MOCOS: variants seen among roughly 807,000 people sequenced by gnomAD.
MOCOS encodes molybdenum cofactor sulfurase, also known as human molybdenum cofactor sulfurase.
Under a neutral mutation model 83.6 loss-of-function variants are expected in MOCOS, and 86 were observed. The ratio of observed to expected loss-of-function variants is 1.03; its 90% CI spans 0.86 to 1.23. The LOEUF (loss-of-function observed/expected upper bound fraction) is 1.23. Ranked by LOEUF, MOCOS falls within the 50% of genes most tolerant of loss-of-function variation. The pLI, the probability that MOCOS is intolerant of heterozygous loss-of-function variation, is 0.00. For missense variants in MOCOS, 1,120 were observed against 1,126.9 expected (o/e 0.99, Z 0.09); for synonymous variants, 445 against 434.7 (o/e 1.02, Z -0.29).
intron 9 of MOCOS, among the ~76,000 whole-genome samples, chr18:36,244,812 T>A (rs113145785): frequency 0.019 from 2,898 of 152,236 alleles, 96 homozygotes; most frequent in African/African-American, 0.065. Context: ...ATTCCGGTGT[T>A]AGGTGTATAT....
chr18:36,218,666 C>A (rs1179534163), intron 8 of MOCOS, among the ~76,000 whole-genome samples: 2 of 151,914 alleles, frequency 1.3e-5, no homozygotes, highest in Non-Finnish European at 2.9e-5. Flanking sequence ...AGGCATACAC[C>A]ACCATGCCTG....
Position 36,220,171 on chromosome 18 carries a change from G to C in MOCOS, c.1914G>C (p.Gln638His). Reference protein sequence around the residue: ...QKQEPRLCLIQPFIDLRQRIM... With the variant: ...QKQEPRLCLIHPFIDLRQRIM... The stretch of plus-strand genomic sequence containing the variant: ...AGGAACCCCGGCTCTGCCTGATCCA[G>C]CCCTTCATCGACTTGCGGCAAAGGA... The change falls in exon 9 of 15, where the codon CAG (glutamine) becomes CAC (histidine). Residue 638 changes from glutamine to histidine, a missense_variant. Coordinates refer to ENST00000261326, the MANE Select transcript of MOCOS (RefSeq NM_017947.4). 6.2e-7 allele frequency: 1 copy of C among 1,614,136 alleles called. No homozygotes were observed. Among genetic ancestry groups the C allele is most frequent in the Non-Finnish European group, 8.5e-7 (1 of 1,180,024 alleles).
At position 36,215,696 on chromosome 18, in the gene MOCOS, G is replaced by A. The variant is rs149198061; in HGVS notation, c.1516G>A (p.Gly506Arg). ...WPVPQAHADTGETGAPSADSQ... is the reference protein window; with the variant it reads ...WPVPQAHADTRETGAPSADSQ... Reference sequence around the variant, plus strand: ...TGTCCCTCAGGCCCATGCTGACACCGGGGAGACTGGAGCCCCATCAGCAGA... The same window carrying A: ...TGTCCCTCAGGCCCATGCTGACACCAGGGAGACTGGAGCCCCATCAGCAGA... Residue 506 changes from glycine (G) to arginine (R), a missense_variant, in exon 8 of 15, where the codon GGG becomes AGG. Coordinates refer to ENST00000261326, the MANE Select transcript of MOCOS (RefSeq NM_017947.4). The A allele has an allele frequency of 7.9e-5, 127 of 1,614,092 alleles. 1 individual carries two copies. The highest frequency in any genetic ancestry group is 2.5e-4 in the Admixed American group (15 of 60,028).
rs777261982 is a variant in MOCOS at position 36,187,792 on chromosome 18, A to G, written c.142+111A>G. ...CCTCATTCGGGCGCATTTTGAATCG[A>G]AACTCCAGGAGGGACGTGTCCACGC... On this transcript the variant is annotated intron_variant, in intron 1 of 14. Coordinates refer to ENST00000261326, the MANE Select transcript of MOCOS (RefSeq NM_017947.4). The G allele has an allele frequency of 8.0e-5, 93 of 1,169,288 alleles. No homozygotes were observed. In the Middle Eastern group the frequency reaches 2.6e-3, roughly 33 times the overall value. The allele number at this position is 1,169,288 out of a possible 1,614,324, so 72.4% of individuals were successfully genotyped here.
At chr18:36,268,436 T>A in intron 14 of MOCOS, 97 bp from the exon 15 acceptor site, 1 of 1,499,568 alleles carries the variant, frequency 6.7e-7, no homozygotes, top group South Asian at 1.1e-5. Context: ...TCTTTAAAAA[T>A]CTGACTTGAT....
chr18:36,191,899 G>T (rs773391182), intron 1 of MOCOS, among the ~76,000 whole-genome samples: 1 of 152,164 alleles, frequency 6.6e-6, no homozygotes, highest in Non-Finnish European at 1.5e-5. Context: ...CACATAGTAG[G>T]TGCTCAATAA....
At chr18:36,194,141 G>A (rs1047823900) in intron 1 of MOCOS, among the ~76,000 whole-genome samples, 1 of 152,154 alleles carries the variant, frequency 6.6e-6, no homozygotes, top group Admixed American at 6.5e-5. Flanking sequence ...TGGGGTTGGA[G>A]GCATTGGGGA....
intron 9 of MOCOS, among the ~76,000 whole-genome samples, chr18:36,233,709 A>AT (rs1399387426): frequency 2.0e-5 from 3 of 152,060 alleles, no homozygotes; most frequent in African/African-American, 7.2e-5. Flanking sequence ...TTATTTTTCA[A>AT]TTTTTAAATT....
intron 9 of MOCOS, among the ~76,000 whole-genome samples, chr18:36,242,532 C>T (rs1331559936): frequency 6.6e-6 from 1 of 152,166 alleles, no homozygotes; most frequent in African/African-American, 2.4e-5. Flanking sequence ...GTAGCCATGC[C>T]CCAAACTCCT....
chr18:36,194,758 C>G (rs2091380595), intron 1 of MOCOS, among the ~76,000 whole-genome samples: 1 of 152,186 alleles, frequency 6.6e-6, no homozygotes, highest in Non-Finnish European at 1.5e-5. Context: ...CGCGGTATCT[C>G]ATTTTCATCT....
At chr18:36,205,321 A>T (rs1161603334) in intron 6 of MOCOS, 45 bp downstream of exon 6, 1 of 1,571,720 alleles carries the variant, frequency 6.4e-7, no homozygotes, top group Non-Finnish European at 8.7e-7. Flanking sequence ...AACTCATCCT[A>T]GTTCCAGACG....
At chr18:36,240,850 A>C (rs1194348167) in intron 9 of MOCOS, among the ~76,000 whole-genome samples, 3 of 152,176 alleles carry the variant, frequency 2.0e-5, no homozygotes, top group African/African-American at 7.2e-5. Context: ...CCGTTTTTTA[A>C]GCCCATCGGA....
chr18:36,263,095 C>T (rs1271082282), intron 13 of MOCOS, among the ~76,000 whole-genome samples: 2 of 152,086 alleles, frequency 1.3e-5, no homozygotes, highest in Non-Finnish European at 2.9e-5. Context: ...GGTGACAGAG[C>T]AAGACCCTGT....
At position 36,200,257 on chromosome 18, in the gene MOCOS, G is replaced by A; in HGVS notation, c.874G>A (p.Gly292Arg). The A allele has an allele frequency of 3.1e-6, 5 of 1,614,188 alleles. No homozygotes were observed. Among genetic ancestry groups the A allele is most frequent in the Non-Finnish European group, 4.2e-6 (5 of 1,180,030 alleles). ...APLLRKTYFG[G>R]GTASAYLAGE... ...TCTACTGAGGAAGACCTACTTTGGA[G>A]GAGGGACAGCCTCTGCGTACCTAGC... Residue 292 changes from glycine (G) to arginine (R), a missense_variant, in exon 4 of 15, where the codon GGA becomes AGA. Transcript: ENST00000261326.
chr18:36,188,663 T>C (rs370226621), intron 1 of MOCOS, among the ~76,000 whole-genome samples: 1 of 152,178 alleles, frequency 6.6e-6, no homozygotes, highest in African/African-American at 2.4e-5. Flanking sequence ...ACAGCAACCA[T>C]GACTTAGGTT....
intron 9 of MOCOS, among the ~76,000 whole-genome samples, chr18:36,242,798 A>G (rs2091588814): frequency 6.6e-6 from 1 of 152,170 alleles, no homozygotes; most frequent in South Asian, 2.1e-4. Context: ...CACTGTCATG[A>G]GAATATCAGA....
At position 36,187,673 on chromosome 18, in the gene MOCOS, G is replaced by A. The variant is rs1278187193; in HGVS notation, c.134G>A (p.Arg45His). 1.6e-6 allele frequency: 2 copies of A among 1,263,282 alleles called. No individual in the cohort carries two copies. The highest frequency in any genetic ancestry group is 1.5e-5 in the African/African-American group (1 of 65,804). 78.3% of individuals were successfully genotyped at this position (1,263,282 alleles called of 1,614,324 possible). A position where few individuals can be genotyped will look rare whatever the true frequency, so the allele number is the denominator to read the frequency against. ...LRELRAREFS[R>H]LAGTVYLDHA... The stretch of plus-strand genomic sequence containing the variant: ...GAGCTGCGGGCGCGCGAGTTCAGCC[G>A]CCTGGCAGGTGAGGCGGGCGGGCAG... Residue 45 changes from arginine (R) to histidine (H), a missense_variant, in exon 1 of 15, where the codon CGC becomes CAC. By Grantham distance (29) the Arg-to-His change is conservative. Coordinates refer to ENST00000261326, the MANE Select transcript of MOCOS (RefSeq NM_017947.4).
chr18:36,265,636 T>C lies in MOCOS; in HGVS notation c.2410-1113T>C, dbSNP rs967797445. Among the ~76,000 whole-genome samples the C allele has an allele frequency of 2.0e-5, 3 of 152,266 alleles. No homozygotes were observed. The South Asian group carries it at 6.2e-4, about 32-fold the overall frequency. On this transcript the variant is annotated intron_variant, in intron 13 of 14. Coordinates refer to ENST00000261326, the MANE Select transcript of MOCOS (RefSeq NM_017947.4). Reference sequence around the variant, plus strand: ...TGCTTTCTTTTTGATGTTTATATTATGGGGGATTTTAAGCTCCACCAGACA... The same window carrying C: ...TGCTTTCTTTTTGATGTTTATATTACGGGGGATTTTAAGCTCCACCAGACA...
chr18:36,220,273 A>G, intron 9 of MOCOS, 56 bp downstream of exon 9: 2 of 1,599,588 alleles, frequency 1.3e-6, no homozygotes. Context: ...TTTTATATTC[A>G]TATGAAATAC....
Sources: gnomAD v4.1 joint callset for allele counts (sites outside exome capture counted in the v4.1 genomes callset) on GRCh38, gnomAD v4.1.1 for gene constraint, MANE v1.5 for transcripts, NCBI Gene and HGNC (gene_info 2026-07-23, HGNC 2026-07-21) for gene names.